The following PLA2R1 variants were observed in gnomAD, a reference collection of about 807,000 sequenced individuals.
The protein encoded by PLA2R1 is secretory phospholipase A2 receptor.
In PLA2R1, 158 loss-of-function variants were observed where a neutral mutation model predicts 195.9. The ratio of observed to expected loss-of-function variants is 0.81; its 90% CI spans 0.71 to 0.92. The LOEUF is 0.92. PLA2R1 is among the 40% of genes least tolerant of loss of function. The probability of loss-of-function intolerance (pLI) is 0.00; values close to 1 mark genes in which losing one functional copy is unlikely to be tolerated. For synonymous variants in PLA2R1, 586 were observed against 598.2 expected, an observed-to-expected ratio of 0.98 and a Z score of 0.30; for missense variants, 1,626 against 1,764.6, an observed-to-expected ratio of 0.92 and a Z score of 1.41.
chr2:160,045,648 A>C (rs554694781), intron 1 of PLA2R1, among the ~76,000 whole-genome samples: 2 of 152,222 alleles, frequency 1.3e-5, no homozygotes, highest in Admixed American at 1.3e-4. Flanking sequence ...AGAAAACCGA[A>C]AGGCTATCAG....
chr2:159,928,880 A>G (rs958429084), downstream of PLA2R1, among the ~76,000 whole-genome samples: 4 of 152,182 alleles, frequency 2.6e-5, no homozygotes, highest in African/African-American at 9.7e-5. Flanking sequence ...TCAACAAAGC[A>G]AACAAAAACA....
At chr2:159,981,063 T>C (rs1689913582) in intron 13 of PLA2R1, among the ~76,000 whole-genome samples, 1 of 152,238 alleles carries the variant, frequency 6.6e-6, no homozygotes, top group Non-Finnish European at 1.5e-5. Context: ...GTCACTCTCC[T>C]GGTGTTGTGA....
rs1694763284 is a variant in PLA2R1, at chr2:160,044,891, G to A, written c.376C>T (p.Leu126=). The A allele has an allele frequency of 6.2e-7, 1 of 1,614,174 alleles. No homozygotes were observed. Among genetic ancestry groups the A allele is most frequent in the African/African-American group, 1.3e-5 (1 of 75,040 alleles). Residue 126 remains leucine (L), a synonymous_variant, in exon 2 of 30, where the codon CTG becomes TTG. Transcript: ENST00000283243. ...RCNRKMITGP[L]QYSVQVAHDN... is the part of the protein sequence containing the mutation. Reference sequence around the variant, plus strand: ...TGCGCCACCTGGACAGAGTACTGCAGCGGGCCTGTGATCATCTTCCTGTTA... The same window carrying A: ...TGCGCCACCTGGACAGAGTACTGCAACGGGCCTGTGATCATCTTCCTGTTA...
rs1325778148 is a variant in PLA2R1, at chr2:159,949,756, C to T, written c.3561G>A (p.Trp1187Ter). Residue 1187 changes from tryptophan (W) to a stop codon, truncating the protein, a stop_gained, in exon 25 of 30, where the codon TGG becomes TGA. Coordinates refer to ENST00000283243, the MANE Select transcript of PLA2R1 (RefSeq NM_007366.5). LOFTEE classifies it high-confidence loss of function. ...FTTDNGLNFD[W>*]SDGTKSSFTF... is the part of the protein sequence containing the mutation. ...TGAAAGAAGATTTGGTGCCATCAGA[C>T]CAGTCAAAATTAAGACCATTCTGTG... The T allele has an allele frequency of 1.2e-6, 2 of 1,613,762 alleles. No individual in the cohort carries two copies. The highest frequency in any genetic ancestry group is 2.7e-5 in the African/African-American group (2 of 74,914).
At chr2:159,996,764 A>G (rs1213047550) in intron 11 of PLA2R1, among the ~76,000 whole-genome samples, 1 of 151,970 alleles carries the variant, frequency 6.6e-6, no homozygotes, top group Non-Finnish European at 1.5e-5. Context: ...AGTTTGTATC[A>G]TCATATACTC....
At chr2:159,995,402 C>T (rs759224071) in intron 11 of PLA2R1, among the ~76,000 whole-genome samples, 4 of 151,918 alleles carry the variant, frequency 2.6e-5, no homozygotes, top group Non-Finnish European at 5.9e-5. Flanking sequence ...TCTAAATATG[C>T]CCCAAGAAAC....
chr2:160,009,905 C>G (rs1376642722), intron 10 of PLA2R1, among the ~76,000 whole-genome samples: 1 of 151,944 alleles, frequency 6.6e-6, no homozygotes, highest in Non-Finnish European at 1.5e-5. Context: ...CCCAGGAGTT[C>G]AAGACCAGCC....
In PLA2R1 at chr2:159,933,052, A is replaced by G. The variant is rs1278914436; in HGVS notation, c.*8726T>C. On this transcript the variant is annotated 3_prime_UTR_variant, in exon 30 of 30. Transcript: ENST00000283243. Reference sequence around the variant, plus strand: ...GTATTGCTATTCATAATTACAAGAAATGGATGATAATATTTTAAATTAGTT... The same window carrying G: ...GTATTGCTATTCATAATTACAAGAAGTGGATGATAATATTTTAAATTAGTT... 1.3e-5 allele frequency: 2 copies of G among 152,008 alleles called. No individual in the cohort carries two copies. The highest frequency in any genetic ancestry group is 3.8e-4 in the East Asian group (2 of 5,196). The allele number at this position is 152,008 out of a possible 1,614,324, so 9.4% of individuals were successfully genotyped here. A position where few individuals can be genotyped will look rare whatever the true frequency, so the allele number is the denominator to read the frequency against.
At chr2:159,978,196 T>C (rs184973655) in intron 14 of PLA2R1, among the ~76,000 whole-genome samples, 1 of 152,154 alleles carries the variant, frequency 6.6e-6, no homozygotes, top group Non-Finnish European at 1.5e-5. Context: ...TAATCAGGAA[T>C]CTATCAGGTC....
chr2:159,924,883 CAGTT>C, the PLA2R1 span, among the ~76,000 whole-genome samples: 5 of 151,964 alleles, frequency 3.3e-5, no homozygotes, highest in African/African-American at 9.7e-5. Flanking sequence ...TTAAGAATAA[CAGTT>C]GGTTGTATGT....
intron 11 of PLA2R1, among the ~76,000 whole-genome samples, chr2:159,987,736 C>T (rs913044625): frequency 6.6e-6 from 1 of 152,178 alleles, no homozygotes; most frequent in Non-Finnish European, 1.5e-5. Flanking sequence ...TAGTGCTCAT[C>T]CTCTAACAAC....
intron 10 of PLA2R1, 49 bp downstream of exon 10, chr2:160,013,214 G>T: frequency 1.2e-6 from 1 of 861,108 alleles, no homozygotes; most frequent in Non-Finnish European, 2.0e-6. Flanking sequence ...CATTCCAAGA[G>T]TCCTCATGTG....
intron 1 of PLA2R1, among the ~76,000 whole-genome samples, chr2:160,056,009 C>A (rs973594194): frequency 6.6e-6 from 1 of 152,090 alleles, no homozygotes; most frequent in Non-Finnish European, 1.5e-5. Flanking sequence ...CCATTCTTCC[C>A]CCCATTCACC....
In PLA2R1 at chr2:159,983,999, A is replaced by C. The variant is rs1471042512; in HGVS notation, c.2112T>G (p.Ala704=). The C allele has an allele frequency of 1.9e-6, 3 of 1,601,436 alleles. No homozygotes were observed. Among genetic ancestry groups the C allele is most frequent in the African/African-American group, 1.3e-5 (1 of 74,860 alleles). ...CAATATGGGCAAAGCTTGCAAGATG[A>C]GCTCCAAATTCTTCGCAAAATGCTT... ...EAEAFCEEFG[A]HLASFAHIEE... The change falls in exon 13 of 30, where the codon GCT becomes GCG. Residue 704 remains alanine (A), a synonymous_variant. Transcript: ENST00000283243.
chr2:160,004,059 T>C (rs1001832734), intron 11 of PLA2R1, among the ~76,000 whole-genome samples: 1 of 152,198 alleles, frequency 6.6e-6, no homozygotes, highest in Non-Finnish European at 1.5e-5. Context: ...AGCAGGATCA[T>C]ACCAAACAGT....
At position 160,029,721 on chromosome 2, in the gene PLA2R1, A is replaced by C. The variant is rs368187465; in HGVS notation, c.842-758T>G. On this transcript the variant is annotated intron_variant, in intron 4 of 29. Transcript: ENST00000283243. ...TTCTTTTTGTGCACCTAAATTTTAA[A>C]CATTATTCCAGAATAAATAGGTACT... 6.6e-5 allele frequency among the ~76,000 whole-genome samples: 10 copies of C among 152,220 alleles called. No individual in the cohort carries two copies. The South Asian group carries it at 2.1e-3, about 31-fold the overall frequency.
At chr2:160,055,441 A>C (rs970464788) in intron 1 of PLA2R1, among the ~76,000 whole-genome samples, 1 of 152,364 alleles carries the variant, frequency 6.6e-6, no homozygotes, top group Admixed American at 6.5e-5. Context: ...TACATAAATC[A>C]GTAGCTTTGC....
intron 20 of PLA2R1, among the ~76,000 whole-genome samples, chr2:159,960,508 A>T (rs969973064): frequency 2.0e-5 from 3 of 152,208 alleles, no homozygotes; most frequent in Non-Finnish European, 4.4e-5. Flanking sequence ...TTAAGAAAAA[A>T]CTATGTTATG....
intron 2 of PLA2R1, among the ~76,000 whole-genome samples, chr2:160,043,868 G>A (rs894358344): frequency 2.0e-5 from 3 of 152,092 alleles, no homozygotes; most frequent in South Asian, 2.1e-4. Flanking sequence ...TCCCAGGACC[G>A]TACAGAATTC....
Sources: allele counts gnomAD v4.1 joint callset (sites outside exome capture counted in the v4.1 genomes callset), GRCh38; gene constraint gnomAD v4.1.1; transcripts MANE v1.5; gene names NCBI Gene and HGNC (gene_info 2026-07-23, HGNC 2026-07-21).